GAPVD1: variants seen among roughly 807,000 people sequenced by gnomAD.
GAPVD1 encodes the protein GTPase-activating protein and VPS9 domain-containing protein 1.
GAPVD1 carries 35 observed loss-of-function variants against 155.5 expected under a neutral mutation model. That is an observed-to-expected ratio of 0.23 (90% CI 0.17 to 0.30). GAPVD1 has a LOEUF of 0.30. GAPVD1 is among the 10% of genes least tolerant of loss of function. GAPVD1 has a pLI of 1.00. For synonymous variants in GAPVD1, 636 were observed against 619.7 expected (o/e 1.03, Z -0.39); for missense variants, 1,429 against 1,775.7 (o/e 0.80, Z 3.51).
chr9:125,362,586 T>C lies in GAPVD1; in HGVS notation c.4243-20T>C, dbSNP rs774719023. ...ATGACATCTGAGTAATTGATTCTTT[T>C]TTATTTTTCACTTCTCTAGGCAAAT... On this transcript the variant is annotated intron_variant, in intron 27 of 27. Transcript: ENST00000297933. 1.9e-6 allele frequency: 3 copies of C among 1,574,474 alleles called. No homozygotes were observed. The highest frequency in any genetic ancestry group is 2.6e-6 in the Non-Finnish European group (3 of 1,160,366).
At position 125,321,553 on chromosome 9, in the gene GAPVD1, A is replaced by G. The variant is rs772646951; in HGVS notation, c.1723A>G (p.Ile575Val). ...FSLCSDNLEG[I>V]SEGPSNRSNS... Reference sequence around the variant, plus strand: ...CCTCTGCAGTGATAATCTGGAAGGAATATCTGAAGGTGAAGGGTTACTTCA... The same window carrying G: ...CCTCTGCAGTGATAATCTGGAAGGAGTATCTGAAGGTGAAGGGTTACTTCA... Residue 575 changes from isoleucine to valine, a missense_variant, in exon 10 of 28, where the codon ATA becomes GTA. Physicochemically the swap from Ile to Val is conservative, Grantham distance 29. Around this residue, in one of 4 missense-constraint regions of GAPVD1, gnomAD observed 628 missense variants for 733.4 expected, o/e 0.86. Transcript: ENST00000297933. 5 of 1,613,100 alleles carry G rather than the reference A, an allele frequency of 3.1e-6. No individual in the cohort carries two copies. The highest frequency in any genetic ancestry group is 4.5e-5 in the East Asian group (2 of 44,856).
At chr9:125,324,034 A>G (rs1318503542) in intron 11 of GAPVD1, 111 bp downstream of exon 11, 2 of 838,354 alleles carry the variant, frequency 2.4e-6, no homozygotes, top group Admixed American at 2.4e-5. Flanking sequence ...TTAAATCACC[A>G]TTAAACTTAA....
rs1845184382 is a variant in GAPVD1 at position 125,326,396 on chromosome 9, C to T, written c.1859-20C>T. The T allele has an allele frequency of 1.3e-6, 2 of 1,568,842 alleles. No individual in the cohort carries two copies. Among genetic ancestry groups the T allele is most frequent in the South Asian group, 2.2e-5 (2 of 88,918 alleles). On this transcript the variant is annotated intron_variant, in intron 11 of 27. Transcript: ENST00000297933. The stretch of plus-strand genomic sequence containing the variant: ...TAGCTGTGCTACTATTTTAAAAGTG[C>T]TTAATTTTGTTTTTGATAGCTACAA...
chr9:125,351,787 C>G (rs543546626), intron 23 of GAPVD1, among the ~76,000 whole-genome samples: 10 of 151,622 alleles, frequency 6.6e-5, no homozygotes, highest in African/African-American at 2.4e-4. Flanking sequence ...GTTGCCCAGG[C>G]TGGAGTGCAA....
At chr9:125,263,302 A>G (rs1833262663) in intron 1 of GAPVD1, among the ~76,000 whole-genome samples, 1 of 152,140 alleles carries the variant, frequency 6.6e-6, no homozygotes, top group African/African-American at 2.4e-5. Flanking sequence ...TACAAAAATT[A>G]GTTGGGTGTG....
intron 18 of GAPVD1, chr9:125,341,564 G>A (rs1847855795): frequency 4.8e-6 from 1 of 208,010 alleles, no homozygotes; most frequent in Non-Finnish European, 9.6e-6. Context: ...CATATATATT[G>A]CTATTAATTA....
At chr9:125,293,666 A>AT (rs1839026665) in intron 2 of GAPVD1, among the ~76,000 whole-genome samples, 1 of 126,582 alleles carries the variant, frequency 7.9e-6, no homozygotes, top group South Asian at 2.2e-4. Flanking sequence ...TATTATATAT[A>AT]TAATATAAAA....
chr9:125,279,304 C>T (rs1326786923), intron 2 of GAPVD1, among the ~76,000 whole-genome samples: 1 of 151,816 alleles, frequency 6.6e-6, no homozygotes, highest in Non-Finnish European at 1.5e-5. Context: ...GCCGCAATGG[C>T]TCACGCCTGT....
intron 12 of GAPVD1, among the ~76,000 whole-genome samples, chr9:125,328,788 C>T (rs1291067381): frequency 6.6e-6 from 1 of 151,596 alleles, no homozygotes; most frequent in Non-Finnish European, 1.5e-5. Flanking sequence ...CGGGCAGAGG[C>T]GCCCCTCACC....
intron 20 of GAPVD1, among the ~76,000 whole-genome samples, chr9:125,348,002 G>A (rs1020687542): frequency 4.6e-5 from 7 of 152,024 alleles, no homozygotes; most frequent in Non-Finnish European, 8.8e-5. Context: ...ATTTTGCCAC[G>A]TTCCGCCATA....
intron 9 of GAPVD1, among the ~76,000 whole-genome samples, chr9:125,321,031 T>G (rs1588928538): frequency 6.6e-6 from 1 of 152,260 alleles, no homozygotes; most frequent in Non-Finnish European, 1.5e-5. Flanking sequence ...GCATACATAC[T>G]GTTACTGTCA....
At chr9:125,280,888 T>G (rs1221228734) in intron 2 of GAPVD1, among the ~76,000 whole-genome samples, 2 of 152,116 alleles carry the variant, frequency 1.3e-5, no homozygotes, top group African/African-American at 2.4e-5. Context: ...TGTTACTACT[T>G]CTAATAACCT....
chr9:125,317,203 A>G (rs575875054), intron 9 of GAPVD1, among the ~76,000 whole-genome samples: 31 of 152,016 alleles, frequency 2.0e-4, no homozygotes, highest in African/African-American at 6.8e-4. Context: ...CTGTAATATC[A>G]GCTACTCAGG....
intron 2 of GAPVD1, among the ~76,000 whole-genome samples, chr9:125,283,155 GT>G (rs1467032797): frequency 6.6e-6 from 1 of 151,438 alleles, no homozygotes; most frequent in Non-Finnish European, 1.5e-5. Context: ...CGCCTCCCAG[GT>G]TCAAGCAATT....
rs139130714 is a variant in GAPVD1 at position 125,310,729 on chromosome 9, G to A, written c.1442-1723G>A. 7.8e-3 allele frequency among the ~76,000 whole-genome samples: 1,175 copies of A among 150,662 alleles called. 8 individuals carry two copies. Among genetic ancestry groups the A allele is most frequent in the Non-Finnish European group, 0.01 (697 of 67,728 alleles). On this transcript the variant is annotated intron_variant, in intron 8 of 27. Coordinates refer to ENST00000297933, the MANE Select transcript of GAPVD1 (RefSeq NM_001282680.3). ...AATTTTGTATTTTTAGTAGAGATGGGTTTTCTCCATGTTGGTCAGGCTGGA... is the reference window on the plus strand; with the variant it reads ...AATTTTGTATTTTTAGTAGAGATGGATTTTCTCCATGTTGGTCAGGCTGGA...
In GAPVD1 at chr9:125,341,190, A is replaced by G. The variant is rs763492647; in HGVS notation, c.2891A>G (p.Lys964Arg). 11 of 1,597,282 alleles carry G rather than the reference A, an allele frequency of 6.9e-6. No individual in the cohort carries two copies. The Admixed American group carries it at 1.3e-4, about 19-fold the overall frequency. ...CTTTTTCTACAGACTGAAGAACGCAAAGATAGCGATGATGAGAAATCAGAC... is the reference window on the plus strand; with the variant it reads ...CTTTTTCTACAGACTGAAGAACGCAGAGATAGCGATGATGAGAAATCAGAC... ...DSSRGETEER[K>R]DSDDEKSDRN... Residue 964 changes from lysine to arginine, a missense_variant, in exon 18 of 28, where the codon AAA becomes AGA. Physicochemically the swap from Lys to Arg is conservative, Grantham distance 26. Coordinates refer to ENST00000297933, the MANE Select transcript of GAPVD1 (RefSeq NM_001282680.3).
At chr9:125,313,737 T>A (rs1842991223) in intron 9 of GAPVD1, among the ~76,000 whole-genome samples, 1 of 152,082 alleles carries the variant, frequency 6.6e-6, no homozygotes, top group Non-Finnish European at 1.5e-5. Flanking sequence ...GAGTTGCTGG[T>A]CTTACAGGCA....
intron 15 of GAPVD1, among the ~76,000 whole-genome samples, chr9:125,334,844 C>T (rs1846648564): frequency 6.6e-6 from 1 of 151,636 alleles, no homozygotes; most frequent in South Asian, 2.1e-4. Context: ...AGAGAAGCAA[C>T]TAATAGAGTG....
At position 125,366,453 on chromosome 9, in the gene GAPVD1, T is replaced by C. The variant is rs997297520; in HGVS notation, c.*3707T>C. 8 of 152,230 alleles carry C rather than the reference T, an allele frequency of 5.3e-5. No individual in the cohort carries two copies. The highest frequency in any genetic ancestry group is 3.3e-4 in the Admixed American group (5 of 15,272). 9.4% of individuals were successfully genotyped at this position (152,230 alleles called of 1,614,324 possible). On this transcript the variant is annotated 3_prime_UTR_variant, in exon 28 of 28. Transcript: ENST00000297933. ...CTGGATTGCATAAAAGTGATAGAAG[T>C]GTAGTGGGGTTCACTTCCTCAATTG...
Sources: allele counts gnomAD v4.1 joint callset (sites outside exome capture counted in the v4.1 genomes callset), GRCh38; gene constraint gnomAD v4.1.1; regional missense constraint gnomAD v4.1.1; transcripts MANE v1.5; gene names NCBI Gene and HGNC (gene_info 2026-07-23, HGNC 2026-07-21).